Variants in IQSEC3 observed in about 807,000 individuals in gnomAD.
IQSEC3 encodes the protein IQ motif and SEC7 domain-containing protein 3.
A neutral mutation model predicts 105.4 loss-of-function variants in IQSEC3; 50 were observed. That is an observed-to-expected ratio of 0.47 (90% CI 0.38 to 0.60). IQSEC3 has a LOEUF of 0.60. Among genes scored for constraint, IQSEC3 ranks in the 20% least tolerant of loss-of-function variants. The pLI, the probability that IQSEC3 is intolerant of heterozygous loss-of-function variation, is 0.00. For missense variants in IQSEC3, 1,415 were observed against 1,630.0 expected (o/e 0.87, Z 2.27); for synonymous variants, 708 against 746.0 (o/e 0.95, Z 0.83).
At chr12:69,430 C>T (rs1316241987) in intron 1 of IQSEC3, among the ~76,000 whole-genome samples, 12 of 152,276 alleles carry the variant, frequency 7.9e-5, no homozygotes, top group Non-Finnish European at 1.5e-4. Context: ...CCTCACCTTT[C>T]CTTCTCACCT....
chr12:149,099 A>G (rs1476699138), intron 5 of IQSEC3: 1 of 152,248 alleles, frequency 6.6e-6, no homozygotes, highest in Admixed American at 6.5e-5. Context: ...AGAGGCAGGG[A>G]ACATACATCC....
chr12:94,036 G>A (rs992756644), intron 1 of IQSEC3, among the ~76,000 whole-genome samples: 1 of 152,168 alleles, frequency 6.6e-6, no homozygotes, highest in Admixed American at 6.5e-5. Context: ...TCTTTTCTTT[G>A]TAAGTTACTC....
chr12:89,158 T>C (rs1205184076), intron 1 of IQSEC3, among the ~76,000 whole-genome samples: 1 of 152,078 alleles, frequency 6.6e-6, no homozygotes, highest in African/African-American at 2.4e-5. Flanking sequence ...GGCCCCAAAT[T>C]TCCCCCATTC....
Position 152,607 on chromosome 12 carries a change from T to C in IQSEC3, c.2154-4418T>C, listed in dbSNP as rs148745520. Among the ~76,000 whole-genome samples the C allele has an allele frequency of 6.6e-6, 1 of 152,130 alleles. No homozygotes were observed. Among genetic ancestry groups the C allele is most frequent in the East Asian group, 1.9e-4 (1 of 5,172 alleles). On this transcript the variant is annotated intron_variant, in intron 5 of 13. Coordinates refer to ENST00000538872, the MANE Select transcript of IQSEC3 (RefSeq NM_001170738.2). This position sits in a 1 kb window ranked among gnomAD's most constrained non-coding sequence, Gnocchi z 4.8. ...ATTGCACAAGCTTGAGAAGATGAGG[T>C]CATTGCACACATAGTGAAGCACTTA... is the stretch of plus-strand genomic sequence containing the variant.
chr12:83,812 G>A lies in IQSEC3; in HGVS notation c.555-15334G>A, dbSNP rs782324990. On this transcript the variant is annotated intron_variant, in intron 1 of 13. Transcript: ENST00000538872. ...GCAGTTCAGCAGGGAGCCCCGGAGC[G>A]CCGTGCACCCTTGTTTGGTGTCCAC... is the stretch of plus-strand genomic sequence containing the variant. Among the ~76,000 whole-genome samples, 39 of 152,076 alleles carry A rather than the reference G, an allele frequency of 2.6e-4. 1 individual carries two copies. Among genetic ancestry groups the A allele is most frequent in the Non-Finnish European group, 5.9e-5 (4 of 68,022 alleles).
chr12:155,008 G>A (rs993185540), intron 5 of IQSEC3, among the ~76,000 whole-genome samples: 4 of 152,092 alleles, frequency 2.6e-5, no homozygotes, highest in African/African-American at 4.8e-5. Context: ...TGTACTCATC[G>A]GACCACAGCC....
chr12:117,741 ACTT>A lies in IQSEC3; in HGVS notation c.624-7886_624-7884del, dbSNP rs138759636. ...CCTGGAGGCAACAAGGAGAGGAAGA[ACTT>A]CTTCTCTCCTTGGGAGCCAGACAGG... On this transcript the variant is annotated intron_variant, in intron 2 of 13. Coordinates refer to ENST00000538872, the MANE Select transcript of IQSEC3 (RefSeq NM_001170738.2). Among the ~76,000 whole-genome samples, 898 of 152,300 alleles carry A rather than the reference ACTT, an allele frequency of 5.9e-3. 15 individuals carry two copies. Among genetic ancestry groups the A allele is most frequent in the African/African-American group, 0.021 (866 of 41,548 alleles).
At position 138,516 on chromosome 12, in the gene IQSEC3, C is replaced by A. The variant is rs782248624; in HGVS notation, c.1153C>A (p.Pro385Thr). ...GLVGLPLVRSPSLPPTFAGTL... is the reference protein window; with the variant it reads ...GLVGLPLVRSTSLPPTFAGTL... ...CGTGGGGCTGCCGCTGGTGCGCTCG[C>A]CCTCCCTGCCGCCCACCTTCGCAGG... The change falls in exon 4 of 14, where the codon CCC becomes ACC. Residue 385 changes from proline to threonine, a missense_variant. Physicochemically the swap from Pro to Thr is conservative, Grantham distance 38. Transcript: ENST00000538872. This position sits in a 1 kb window ranked among gnomAD's most constrained non-coding sequence, Gnocchi z 7.1. 1 of 1,579,622 alleles carries A rather than the reference C, an allele frequency of 6.3e-7. No individual in the cohort carries two copies. Among genetic ancestry groups the A allele is most frequent in the Non-Finnish European group, 8.6e-7 (1 of 1,169,504 alleles).
chr12:105,911 T>C (rs1864632518), intron 2 of IQSEC3, among the ~76,000 whole-genome samples: 1 of 152,206 alleles, frequency 6.6e-6, no homozygotes, highest in South Asian at 2.1e-4. Context: ...CAGAGGGTGC[T>C]TGGGAAACCT....
At chr12:156,986 G>A in intron 5 of IQSEC3, 39 bp from the exon 6 acceptor site, 1 of 1,535,534 alleles carries the variant, frequency 6.5e-7, no homozygotes, top group African/African-American at 1.4e-5. Flanking sequence ...GGGTGCTTAG[G>A]GTGCCACCTG....
chr12:69,477 T>TA (rs1863225070), intron 1 of IQSEC3, among the ~76,000 whole-genome samples: 1 of 152,250 alleles, frequency 6.6e-6, no homozygotes, highest in Non-Finnish European at 1.5e-5. Context: ...AGAACAAAAA[T>TA]AAAAAATAAT....
At position 165,529 on chromosome 12, in the gene IQSEC3, C is replaced by T. The variant is rs781923071; in HGVS notation, c.2805C>T (p.Asn935=). Residue 935 remains asparagine, a synonymous_variant, in exon 10 of 14, where the codon AAC becomes AAT. Transcript: ENST00000538872. ...GCATGCAGTTCCAGCTCTTTGAGAA[C>T]GAGTGTAAGTCTTTGACAGCCAGTG... ...LLGMQFQLFE[N]EYYSHGITLV... is the part of the protein sequence containing the mutation. The T allele has an allele frequency of 2.9e-5, 47 of 1,613,222 alleles. No individual in the cohort carries two copies. Among genetic ancestry groups the T allele is most frequent in the East Asian group, 8.9e-5 (4 of 44,896 alleles).
intron 6 of IQSEC3, 149 bp downstream of exon 6, chr12:157,296 G>C (rs1866724368): frequency 7.8e-7 from 1 of 1,282,406 alleles, no homozygotes; most frequent in Admixed American, 2.9e-5. Flanking sequence ...GATGGCTGGG[G>C]AGAAACAAGG....
intron 9 of IQSEC3, 103 bp downstream of exon 9, chr12:163,722 G>A: frequency 1.3e-6 from 1 of 768,014 alleles, no homozygotes. Flanking sequence ...GACGCCCAGA[G>A]CTTTCAGACA....
Position 139,030 on chromosome 12 carries a change from A to G in IQSEC3, c.1667A>G (p.Glu556Gly). 1.3e-6 allele frequency: 2 copies of G among 1,500,094 alleles called. No homozygotes were observed. The highest frequency in any genetic ancestry group is 1.8e-6 in the Non-Finnish European group (2 of 1,124,024). 92.9% of individuals were successfully genotyped at this position (1,500,094 alleles called of 1,614,324 possible). ...GCGTCAGCCGAGGACTCATGCGCAG[A>G]GGCTGCGGCTAGTGGGGCGGCGGAT... ...EDASAEDSCAEAAASGAADGA... is the reference protein window; with the variant it reads ...EDASAEDSCAGAAASGAADGA... The change falls in exon 4 of 14, where the codon GAG becomes GGG. Residue 556 changes from glutamate to glycine, a missense_variant. Around this residue, in one of 6 missense-constraint regions of IQSEC3, gnomAD observed 720 missense variants for 633.0 expected, o/e 1.14. Transcript: ENST00000538872.
rs567083802 is a variant in IQSEC3, at chr12:152,715, G to A, written c.2154-4310G>A. Among the ~76,000 whole-genome samples the A allele has an allele frequency of 4.6e-5, 7 of 152,272 alleles. No homozygotes were observed. The South Asian group carries it at 1.2e-3, about 27-fold the overall frequency. ...TCCCTGCCACCCCACACACACACAG[G>A]AGTGAAGAGAAGAGAGCCCAGTGGG... On this transcript the variant is annotated intron_variant, in intron 5 of 13. Transcript: ENST00000538872. The surrounding 1 kb of genome is among the most constrained non-coding windows in gnomAD (Gnocchi z 4.8).
chr12:102,393 T>A (rs1335076345), intron 2 of IQSEC3, among the ~76,000 whole-genome samples: 2 of 152,164 alleles, frequency 1.3e-5, no homozygotes, highest in African/African-American at 2.4e-5. Context: ...CCACAGGATC[T>A]CCCTGGCCAT....
chr12:94,829 A>C (rs547956668), intron 1 of IQSEC3, among the ~76,000 whole-genome samples: 8 of 152,252 alleles, frequency 5.3e-5, no homozygotes, highest in Non-Finnish European at 1.2e-4. Flanking sequence ...CATGTAGGTG[A>C]ACTTTCCTTC....
intron 2 of IQSEC3, among the ~76,000 whole-genome samples, chr12:103,864 G>GGGT (rs1265722559): frequency 3.4e-5 from 3 of 89,526 alleles, no homozygotes; most frequent in Admixed American, 1.0e-4. Flanking sequence ...AGGGGAGGCG[G>GGGT]CTCGGGAGGG....
Sources: allele counts gnomAD v4.1 joint callset (sites outside exome capture counted in the v4.1 genomes callset), GRCh38; gene constraint gnomAD v4.1.1; regional missense constraint gnomAD v4.1.1; non-coding constraint Gnocchi (gnomAD v3.1); transcripts MANE v1.5; gene names NCBI Gene and HGNC (gene_info 2026-07-23, HGNC 2026-07-21).